Variants in GABBR2 observed in about 807,000 individuals in gnomAD.
GABBR2 encodes G-protein coupled receptor 51.
In GABBR2, 23 loss-of-function variants were observed where a neutral mutation model predicts 105.6. The observed-to-expected ratio is 0.22, with a 90% CI of 0.16 to 0.31. The LOEUF is 0.31. Ranked by LOEUF, GABBR2 falls within the 10% of genes least tolerant of loss-of-function variation. The pLI is 1.00. For missense variants in GABBR2, 734 were observed against 1,245.5 expected (o/e 0.59, Z 6.18); for synonymous variants, 478 against 499.7 (o/e 0.96, Z 0.58).
intron 3 of GABBR2, among the ~76,000 whole-genome samples, chr9:98,539,707 A>C (rs1448003881): frequency 1.3e-5 from 2 of 152,096 alleles, no homozygotes; most frequent in African/African-American, 4.8e-5. Context: ...CAAGAGGTCA[A>C]GAGATCGAGA....
intron 1 of GABBR2, among the ~76,000 whole-genome samples, chr9:98,601,361 T>G (rs1427825362): frequency 6.6e-6 from 1 of 151,742 alleles, no homozygotes; most frequent in Non-Finnish European, 1.5e-5. Flanking sequence ...TACAGAAAAA[T>G]TTGAAATTAG....
intron 1 of GABBR2, among the ~76,000 whole-genome samples, chr9:98,611,482 G>GAATC (rs1036386547): frequency 6.6e-6 from 1 of 152,050 alleles, no homozygotes; most frequent in African/African-American, 2.4e-5. Context: ...ATGAATGAAT[G>GAATC]AATGAATGAA....
chr9:98,606,168 T>C (rs1260044654), intron 1 of GABBR2, among the ~76,000 whole-genome samples: 1 of 152,254 alleles, frequency 6.6e-6, no homozygotes, highest in Non-Finnish European at 1.5e-5. Context: ...TAATCCAGTG[T>C]ATCATTGAGG....
At chr9:98,650,290 C>T (rs138834696) in intron 1 of GABBR2, among the ~76,000 whole-genome samples, 13 of 152,222 alleles carry the variant, frequency 8.5e-5, no homozygotes, top group Non-Finnish European at 1.3e-4. Flanking sequence ...AGCTGGGTGA[C>T]GGAGGATGAG....
chr9:98,299,369 T>C lies in GABBR2; in HGVS notation c.2413-16A>G. The C allele has an allele frequency of 6.2e-7, 1 of 1,613,696 alleles. No homozygotes were observed. The highest frequency in any genetic ancestry group is 8.5e-7 in the Non-Finnish European group (1 of 1,179,954). On this transcript the variant is annotated splice_polypyrimidine_tract_variant and intron_variant, in intron 16 of 18. Coordinates refer to ENST00000259455, the MANE Select transcript of GABBR2 (RefSeq NM_005458.8). ...CTTTATCCAGCTACAAGACAAAGGTTCCAGTTGAGTCAGGTCCCTGGCCCA... is the reference window on the plus strand; with the variant it reads ...CTTTATCCAGCTACAAGACAAAGGTCCCAGTTGAGTCAGGTCCCTGGCCCA...
In GABBR2 at chr9:98,708,722, T is replaced by A; in HGVS notation, c.16A>T (p.Ser6Cys). 1.0e-6 allele frequency: 1 copy of A among 987,638 alleles called. No homozygotes were observed. The highest frequency in any genetic ancestry group is 1.2e-6 in the Non-Finnish European group (1 of 834,672). 61.2% of individuals were successfully genotyped at this position (987,638 alleles called of 1,614,324 possible). ...GGCGGCGGCCCGGGCTGCCCGGAGC[T>A]CCGCGGGGAAGCCATGCCGCGCCGC... MASPR[S>C]SGQPGPPPPP... is the part of the protein sequence containing the mutation. The change falls in exon 1 of 19, where the codon AGC becomes TGC. Residue 6 changes from serine to cysteine, a missense_variant. Physicochemically the swap from Ser to Cys is moderately radical, Grantham distance 112. Coordinates refer to ENST00000259455, the MANE Select transcript of GABBR2 (RefSeq NM_005458.8).
chr9:98,452,175 T>C (rs1826244189), intron 7 of GABBR2, among the ~76,000 whole-genome samples: 1 of 152,152 alleles, frequency 6.6e-6, no homozygotes, highest in South Asian at 2.1e-4. Flanking sequence ...AGACCAACAA[T>C]ATAAGCCTCA....
At chr9:98,674,356 A>G (rs1478333030) in intron 1 of GABBR2, among the ~76,000 whole-genome samples, 1 of 152,176 alleles carries the variant, frequency 6.6e-6, no homozygotes, top group Non-Finnish European at 1.5e-5. Context: ...AAAGCCAGGA[A>G]TGCCACGTGA....
At chr9:98,303,705 C>T (rs1830506250) in intron 15 of GABBR2, among the ~76,000 whole-genome samples, 1 of 152,284 alleles carries the variant, frequency 6.6e-6, no homozygotes, top group East Asian at 1.9e-4. Context: ...CAACCAGGGC[C>T]CCCGAGGCCT....
At chr9:98,492,349 T>TGAAAAAAAAAAAAAA (rs752135873) in intron 4 of GABBR2, among the ~76,000 whole-genome samples, 2 of 29,218 alleles carry the variant, frequency 6.8e-5, no homozygotes, top group Non-Finnish European at 8.6e-5. Flanking sequence ...TGTTTCCTAG[T>TGAAAAAAAAAAAAAA]AAAAAAAAAA....
In GABBR2 at chr9:98,293,867, G is replaced by T; in HGVS notation, c.2578C>A (p.Gln860Lys). The T allele has an allele frequency of 6.2e-7, 1 of 1,612,252 alleles. No homozygotes were observed. Among genetic ancestry groups the T allele is most frequent in the African/African-American group, 1.3e-5 (1 of 74,920 alleles). Reference sequence around the variant, plus strand: ...GTGTTCCACTGTAGCTGGGGATTTTGATCGAGGTGATTTTTTAAAATGGCC... The same window carrying T: ...GTGTTCCACTGTAGCTGGGGATTTTTATCGAGGTGATTTTTTAAAATGGCC... ...GKAILKNHLD[Q>K]NPQLQWNTTE... The change falls in exon 18 of 19, where the codon CAA (glutamine) becomes AAA (lysine). Residue 860 changes from glutamine to lysine, a missense_variant. By Grantham distance (53) the Gln-to-Lys change is moderately conservative (BLOSUM62 1). Around this residue, in one of 7 missense-constraint regions of GABBR2, gnomAD observed 134 missense variants for 171.2 expected, o/e 0.78. Coordinates refer to ENST00000259455, the MANE Select transcript of GABBR2 (RefSeq NM_005458.8).
intron 1 of GABBR2, among the ~76,000 whole-genome samples, chr9:98,660,782 T>C (rs1830248762): frequency 1.3e-5 from 2 of 152,206 alleles, no homozygotes; most frequent in South Asian, 4.1e-4. Flanking sequence ...CTTTCCTCAC[T>C]CAAACTTCCT....
At chr9:98,663,942 A>G (rs541820676) in intron 1 of GABBR2, among the ~76,000 whole-genome samples, 4 of 152,200 alleles carry the variant, frequency 2.6e-5, no homozygotes, top group Non-Finnish European at 5.9e-5. Flanking sequence ...GGACACAAAC[A>G]TGGCCACCTT....
In GABBR2 at chr9:98,406,109, C is replaced by T. The variant is rs1271843633; in HGVS notation, c.1269G>A (p.Met423Ile). The change falls in exon 8 of 19, where the codon ATG becomes ATA. Residue 423 changes from methionine (M) to isoleucine (I), a missense_variant. Physicochemically the swap from Met to Ile is conservative, Grantham distance 10. Transcript: ENST00000259455. ...GQVVFRNGER[M>I]GTIKFTQFQD... is the part of the protein sequence containing the mutation. ...GAAATTGAGTAAATTTAATGGTCCC[C>T]ATTCTCTCCCCATTCCGGAATACAA... 1.9e-6 allele frequency: 3 copies of T among 1,581,778 alleles called. No individual in the cohort carries two copies. Among genetic ancestry groups the T allele is most frequent in the Admixed American group, 3.6e-5 (2 of 56,040 alleles).
intron 4 of GABBR2, chr9:98,496,118 A>T (rs897832217): frequency 2.5e-5 from 10 of 397,118 alleles, no homozygotes; most frequent in African/African-American, 2.0e-4. Flanking sequence ...TTCAAAACAG[A>T]CATGACAATC....
rs139973950 is a variant in GABBR2, at chr9:98,578,013, G to A, written c.381C>T (p.His127=). 13 of 1,613,922 alleles carry A rather than the reference G, an allele frequency of 8.1e-6. No homozygotes were observed. Among genetic ancestry groups the A allele is most frequent in the Non-Finnish European group, 2.5e-6 (3 of 1,179,784 alleles). ...GACAGACGCCTCCAAACACCATCAA[G>A]TGGTTAGGCCCGTATTTTATTGCAT... is the stretch of plus-strand genomic sequence containing the variant. ...FYDAIKYGPN[H]LMVFGGVCPS... is the part of the protein sequence containing the mutation. Residue 127 remains histidine (H), a synonymous_variant, in exon 2 of 19, where the codon CAC becomes CAT. Transcript: ENST00000259455.
At chr9:98,546,273 G>A (rs1014582872) in intron 2 of GABBR2, among the ~76,000 whole-genome samples, 16 of 151,996 alleles carry the variant, frequency 1.1e-4, no homozygotes, top group South Asian at 2.1e-4. Context: ...ATTATCATAC[G>A]CTTTGTATTT....
chr9:98,332,264 C>T (rs879354), intron 13 of GABBR2, among the ~76,000 whole-genome samples: 69,175 of 151,944 alleles, frequency 0.46, 15,963 homozygotes, highest in African/African-American at 0.52. Flanking sequence ...CTATCCTGCA[C>T]GTTTGCTCTT....
intron 1 of GABBR2, among the ~76,000 whole-genome samples, chr9:98,654,242 CAGAGCCA>C (rs1461845580): frequency 1.3e-5 from 2 of 152,210 alleles, no homozygotes; most frequent in Non-Finnish European, 2.9e-5. Flanking sequence ...TCTATGGAAA[CAGAGCCA>C]AGAACTGTTT....
Sources: gnomAD v4.1 joint callset for allele counts (sites outside exome capture counted in the v4.1 genomes callset) on GRCh38, gnomAD v4.1.1 for gene constraint, gnomAD v4.1.1 regional missense constraint, MANE v1.5 for transcripts, NCBI Gene and HGNC (gene_info 2026-07-23, HGNC 2026-07-21) for gene names.